Variants in TTC22 observed in about 807,000 individuals in gnomAD.
The protein encoded by TTC22 is tetratricopeptide repeat protein 22.
A neutral mutation model predicts 48.2 loss-of-function variants in TTC22; 42 were observed. The ratio of observed to expected loss-of-function variants is 0.87; its 90% CI spans 0.68 to 1.13. The LOEUF (loss-of-function observed/expected upper bound fraction) is 1.13, where lower values mean the gene tolerates loss of function less well. TTC22 is among the 50% of genes most tolerant of loss of function. The pLI, the probability that TTC22 is intolerant of heterozygous loss-of-function variation, is 0.00. For missense variants in TTC22, 784 were observed against 807.0 expected, an observed-to-expected ratio of 0.97 and a Z score of 0.34; for synonymous variants, 345 against 365.5, an observed-to-expected ratio of 0.94 and a Z score of 0.64.
At chr1:54,784,246 G>A (rs545634523) in intron 5 of TTC22, among the ~76,000 whole-genome samples, 2 of 152,292 alleles carry the variant, frequency 1.3e-5, no homozygotes, top group South Asian at 4.2e-4. Context: ...CCGCAGCATG[G>A]ACTGAGGCTT....
intron 3 of TTC22, 38 bp downstream of exon 3, chr1:54,787,673 G>T (rs2269999): frequency 6.7e-7 from 1 of 1,500,026 alleles, no homozygotes; most frequent in Admixed American, 1.8e-5. Context: ...TTGGCAGGGG[G>T]CAGAGGCTGC....
At chr1:54,792,044 A>G (rs1646355894) in intron 1 of TTC22, among the ~76,000 whole-genome samples, 1 of 152,190 alleles carries the variant, frequency 6.6e-6, no homozygotes, top group South Asian at 2.1e-4. Context: ...ATTACTGATT[A>G]ATTCAAGAGC....
At chr1:54,790,372 C>T (rs183615649) in intron 1 of TTC22, among the ~76,000 whole-genome samples, 12 of 151,834 alleles carry the variant, frequency 7.9e-5, no homozygotes, top group East Asian at 5.8e-4. Flanking sequence ...AAAGTGAGAC[C>T]GTGTTTCTTA....
chr1:54,795,868 T>A (rs1646386370), intron 1 of TTC22, among the ~76,000 whole-genome samples: 1 of 152,206 alleles, frequency 6.6e-6, no homozygotes. Context: ...CAAGACCACA[T>A]AAGGCTGGAG....
chr1:54,798,074 T>G (rs924937983), intron 1 of TTC22, among the ~76,000 whole-genome samples: 12 of 152,182 alleles, frequency 7.9e-5, no homozygotes, highest in African/African-American at 2.9e-4. Context: ...GCGAGGGGTC[T>G]CCCCTCACCA....
intron 5 of TTC22, chr1:54,785,274 A>C: frequency 3.7e-6 from 1 of 269,756 alleles, no homozygotes; most frequent in Non-Finnish European, 7.3e-6. Context: ...TTTAGATGCT[A>C]CCTCACTGTG....
In TTC22 at chr1:54,781,632, A is replaced by C. The variant is rs1646263754; in HGVS notation, c.1321T>G (p.Cys441Gly). 6.5e-7 allele frequency: 1 copy of C among 1,530,578 alleles called. No individual in the cohort carries two copies. The highest frequency in any genetic ancestry group is 1.4e-5 in the African/African-American group (1 of 72,318). 94.8% of individuals were successfully genotyped at this position (1,530,578 alleles called of 1,614,324 possible). ...LPELQLLRGK[C>G]LRIKGEDANA... ...GCGTCCTCGCCCTTGATGCGCAGGC[A>C]CTTGCCGCGCAGCAGCTGCAGCTCG... Residue 441 changes from cysteine (C) to glycine (G), a missense_variant, in exon 7 of 7, where the codon TGC becomes GGC. Cys to Gly is a radical substitution (Grantham distance 159, BLOSUM62 -3). Transcript: ENST00000371276.
At chr1:54,784,041 GT>G (rs1284495867) in intron 5 of TTC22, among the ~76,000 whole-genome samples, 2 of 152,198 alleles carry the variant, frequency 1.3e-5, no homozygotes, top group East Asian at 3.8e-4. Context: ...CAAATTAAAT[GT>G]TGGCATGGCT....
chr1:54,801,104 G>A lies in TTC22; in HGVS notation c.60C>T (p.Tyr20=). ...DLDALIDDLD[Y]LPGHFHLEMQ... The stretch of plus-strand genomic sequence containing the variant: ...TCTCCAGGTGAAAGTGGCCCGGGAG[G>A]TAGTCCAGGTCGTCGATGAGGGCGT... The change falls in exon 1 of 7, where the codon TAC becomes TAT. Residue 20 remains tyrosine, a synonymous_variant. Transcript: ENST00000371276. 6.2e-7 allele frequency: 1 copy of A among 1,611,668 alleles called. No individual in the cohort carries two copies. The highest frequency in any genetic ancestry group is 2.2e-5 in the East Asian group (1 of 44,792).
rs1557771955 is a variant in TTC22, at chr1:54,786,086, T to A, written c.917A>T (p.Tyr306Phe). The A allele has an allele frequency of 6.2e-7, 1 of 1,614,060 alleles. No individual in the cohort carries two copies. ...PILNRLAKIF[Y>F]FLGKQDMAIG... is the part of the protein sequence containing the mutation. ...GGCCATATCCTGCTTTCCCAGGAAGTAGAAGATTTTTGCCAGGCGATTCAG... is the reference window on the plus strand; with the variant it reads ...GGCCATATCCTGCTTTCCCAGGAAGAAGAAGATTTTTGCCAGGCGATTCAG... The change falls in exon 5 of 7, where the codon TAC (tyrosine) becomes TTC (phenylalanine). Residue 306 changes from tyrosine (Y) to phenylalanine (F), a missense_variant. Physicochemically the swap from Tyr to Phe is conservative, Grantham distance 22. Transcript: ENST00000371276.
intron 1 of TTC22, among the ~76,000 whole-genome samples, chr1:54,791,370 C>G (rs943460767): frequency 6.6e-6 from 1 of 152,104 alleles, no homozygotes; most frequent in Non-Finnish European, 1.5e-5. Flanking sequence ...CAGGCCTGGC[C>G]ATATGAGATG....
intron 1 of TTC22, among the ~76,000 whole-genome samples, chr1:54,788,415 C>T (rs539682777): frequency 6.6e-6 from 1 of 151,994 alleles, no homozygotes; most frequent in South Asian, 2.1e-4. Context: ...ACTGCCCACC[C>T]TCTCCTCCAC....
rs535414994 is a variant in TTC22, at chr1:54,796,171, T to C, written c.567+4426A>G. Among the ~76,000 whole-genome samples the C allele has an allele frequency of 4.6e-5, 7 of 152,372 alleles. No homozygotes were observed. The South Asian group carries it at 1.0e-3, about 23-fold the overall frequency. On this transcript the variant is annotated intron_variant, in intron 1 of 6. Coordinates refer to ENST00000371276, the MANE Select transcript of TTC22 (RefSeq NM_001114108.2). Reference sequence around the variant, plus strand: ...TCAGAATTGTGGAGTCGTGTGTGTGTGCGCGTGTGTGTGTCTGTGCGCGTG... The same window carrying C: ...TCAGAATTGTGGAGTCGTGTGTGTGCGCGCGTGTGTGTGTCTGTGCGCGTG...
intron 1 of TTC22, among the ~76,000 whole-genome samples, 171 bp downstream of exon 1, chr1:54,800,426 C>G (rs1570123434): frequency 6.6e-6 from 1 of 152,294 alleles, no homozygotes; most frequent in Non-Finnish European, 1.5e-5. Flanking sequence ...CAGGAGAGAG[C>G]TACAGGCCTG....
At position 54,781,485 on chromosome 1, in the gene TTC22, C is replaced by T. The variant is rs1253382080; in HGVS notation, c.1468G>A (p.Asp490Asn). The T allele has an allele frequency of 3.4e-6, 5 of 1,479,230 alleles. No individual in the cohort carries two copies. Among genetic ancestry groups the T allele is most frequent in the East Asian group, 2.8e-5 (1 of 35,748 alleles). 91.6% of individuals were successfully genotyped at this position (1,479,230 alleles called of 1,614,324 possible). A position where few individuals can be genotyped will look rare whatever the true frequency, so the allele number is the denominator to read the frequency against. The change falls in exon 7 of 7, where the codon GAC becomes AAC. Residue 490 changes from aspartate (D) to asparagine (N), a missense_variant. Asp to Asn is a conservative substitution (Grantham distance 23). Transcript: ENST00000371276. ...TCCACCTCGCGGCCCAGCTCCCCGT[C>T]GCTCAGCTGTGCCTGGCTCCACTGC... The part of the protein sequence containing the change: ...LAQWSQAQLS[D>N]GELGREVDAW...
At chr1:54,784,150 AGGCCAGTAGGGTT>A (rs1375036564) in intron 5 of TTC22, among the ~76,000 whole-genome samples, 1 of 152,262 alleles carries the variant, frequency 6.6e-6, no homozygotes, top group Admixed American at 6.5e-5. Flanking sequence ...GCAGAGGCCC[AGGCCAGTAGGGTT>A]GGAAGACTGA....
At chr1:54,783,642 T>C (rs1173655799) in intron 5 of TTC22, among the ~76,000 whole-genome samples, 1 of 152,116 alleles carries the variant, frequency 6.6e-6, no homozygotes, top group Non-Finnish European at 1.5e-5. Flanking sequence ...GTAAATAGTG[T>C]GTAAGGGAGT....
intron 5 of TTC22, among the ~76,000 whole-genome samples, chr1:54,783,796 G>A (rs1254719602): frequency 6.6e-6 from 1 of 152,136 alleles, no homozygotes; most frequent in Non-Finnish European, 1.5e-5. Context: ...TTTGAAACCA[G>A]CCTGGGCAAC....
At chr1:54,785,243 C>T (rs559201293) in intron 5 of TTC22, 3 of 220,266 alleles carry the variant, frequency 1.4e-5, no homozygotes, top group African/African-American at 4.7e-5. Context: ...AAAAGCACCC[C>T]CTATGTCCAA....
Sources: gnomAD v4.1 joint callset for allele counts (sites outside exome capture counted in the v4.1 genomes callset) on GRCh38, gnomAD v4.1.1 for gene constraint, MANE v1.5 for transcripts, NCBI Gene and HGNC (gene_info 2026-07-23, HGNC 2026-07-21) for gene names.